MACROD1: variants seen among roughly 807,000 people sequenced by gnomAD.
MACROD1 encodes mono-ADP ribosylhydrolase 1.
MACROD1 carries 31 observed loss-of-function variants against 41.4 expected under a neutral mutation model. The ratio of observed to expected loss-of-function variants is 0.75; its 90% CI spans 0.56 to 1.01. MACROD1 has a LOEUF of 1.01. Ranked by LOEUF, MACROD1 falls within the 50% of genes least tolerant of loss-of-function variation. The pLI is 0.00. For missense variants in MACROD1, 473 were observed against 460.0 expected (o/e 1.03, Z -0.26); for synonymous variants, 252 against 203.4 (o/e 1.24, Z -2.03).
intron 10 of MACROD1, 75 bp from the exon 11 acceptor site, chr11:63,998,762 G>A: frequency 7.0e-7 from 1 of 1,432,446 alleles, no homozygotes; most frequent in Non-Finnish European, 9.1e-7. Flanking sequence ...TTCCCGCCCT[G>A]CTTGGGGGTG....
At chr11:64,084,032 C>T (rs932555925) in intron 3 of MACROD1, among the ~76,000 whole-genome samples, 3 of 152,004 alleles carry the variant, frequency 2.0e-5, no homozygotes, top group Non-Finnish European at 4.4e-5. Context: ...CCTCAGGAGG[C>T]AGAGCTGGTG....
chr11:64,089,711 G>A (rs1179950477), intron 3 of MACROD1, among the ~76,000 whole-genome samples: 1 of 152,226 alleles, frequency 6.6e-6, no homozygotes, highest in African/African-American at 2.4e-5. Flanking sequence ...TGGGGCTCTT[G>A]AGGGAGGGTG....
rs71045731 is a variant in MACROD1 at position 64,064,843 on chromosome 11, C to CTCATTCATTCATTCAT, written c.518-49578_518-49563dup. Among the ~76,000 whole-genome samples the CTCATTCATTCATTCAT allele has an allele frequency of 5.3e-5, 8 of 150,448 alleles. No individual in the cohort carries two copies. In the South Asian group the frequency reaches 6.4e-4, roughly 12 times the overall value. ...CAAGAGGCTAGAGTTTCACAAGGAC[C>CTCATTCATTCATTCAT]TCATTCATTCATTCATTCATTCATT... is the stretch of plus-strand genomic sequence containing the variant. On this transcript the variant is annotated intron_variant, in intron 3 of 10. Coordinates refer to ENST00000255681, the MANE Select transcript of MACROD1 (RefSeq NM_014067.4). The surrounding 1 kb of genome is among the most constrained non-coding windows in gnomAD (Gnocchi z 4.5).
Position 64,151,324 on chromosome 11 carries a change from A to C in MACROD1, c.432T>G (p.Tyr144Ter). 6.2e-7 allele frequency: 1 copy of C among 1,613,806 alleles called. No homozygotes were observed. The highest frequency in any genetic ancestry group is 8.5e-7 in the Non-Finnish European group (1 of 1,179,994). The change falls in exon 3 of 11, where the codon TAT (tyrosine) becomes TAG (stop). Residue 144 changes from tyrosine (Y) to a stop codon, truncating the protein, a stop_gained. Coordinates refer to ENST00000255681, the MANE Select transcript of MACROD1 (RefSeq NM_014067.4). LOFTEE classifies it high-confidence loss of function. ...GVAVKVEEPR[Y>*]KKDKQLNEKI... ...TCTCATTGAGCTGCTTGTCCTTTTT[A>C]TACCTGGGCTCCTCCACCTTCACAG...
chr11:64,151,160 C>A, intron 3 of MACROD1, 79 bp downstream of exon 3: 1 of 1,256,848 alleles, frequency 8.0e-7, no homozygotes, highest in Admixed American at 1.8e-5. Flanking sequence ...CAGGTGGCGT[C>A]CACCCAGGCC....
intron 3 of MACROD1, among the ~76,000 whole-genome samples, chr11:64,100,551 T>A (rs1944653700): frequency 6.6e-6 from 1 of 152,174 alleles, no homozygotes; most frequent in Non-Finnish European, 1.5e-5. Flanking sequence ...GGGTGGCCAC[T>A]GGGGGTGCTG....
At chr11:64,010,719 G>GCA (rs1942997826) in intron 4 of MACROD1, among the ~76,000 whole-genome samples, 1 of 150,974 alleles carries the variant, frequency 6.6e-6, no homozygotes, top group Admixed American at 6.6e-5. Context: ...ATGTTGGTTG[G>GCA]GGTGTTGGTT....
At chr11:64,066,691 T>G (rs1199238068) in intron 3 of MACROD1, among the ~76,000 whole-genome samples, 1 of 152,040 alleles carries the variant, frequency 6.6e-6, no homozygotes, top group Admixed American at 6.5e-5. Context: ...TTCTGAGATG[T>G]CTGCCTGCAA....
At chr11:64,096,000 T>TG (rs755109906) in intron 3 of MACROD1, among the ~76,000 whole-genome samples, 9 of 152,158 alleles carry the variant, frequency 5.9e-5, no homozygotes, top group Non-Finnish European at 1.3e-4. Flanking sequence ...CCCATGAGCC[T>TG]GCAGGATATG....
chr11:64,025,109 G>A (rs1590810211), intron 3 of MACROD1, among the ~76,000 whole-genome samples: 1 of 152,130 alleles, frequency 6.6e-6, no homozygotes, highest in Non-Finnish European at 1.5e-5. Flanking sequence ...CTCCTGAGTA[G>A]CTGGGACTAC....
chr11:64,099,282 G>A (rs1034777051), intron 3 of MACROD1, among the ~76,000 whole-genome samples: 4 of 152,258 alleles, frequency 2.6e-5, no homozygotes, highest in Admixed American at 6.5e-5. Context: ...CCCTGTGTGC[G>A]TCTCACATTG....
At chr11:64,058,045 T>C (rs894058641) in intron 3 of MACROD1, among the ~76,000 whole-genome samples, 2 of 152,214 alleles carry the variant, frequency 1.3e-5, no homozygotes, top group African/African-American at 4.8e-5. Flanking sequence ...TAATGCGCAA[T>C]GTAATCTGCG....
rs563166803 is a variant in MACROD1, at chr11:64,120,476, C to A, written c.517+30763G>T. ...CTGAGGCAGGCAGATTTTCTGAGGTCAGGAGTTTGAGACCAGCCTGGCCAA... is the reference window on the plus strand; with the variant it reads ...CTGAGGCAGGCAGATTTTCTGAGGTAAGGAGTTTGAGACCAGCCTGGCCAA... On this transcript the variant is annotated intron_variant, in intron 3 of 10. Transcript: ENST00000255681. The surrounding 1 kb of genome is among the most constrained non-coding windows in gnomAD (Gnocchi z 4.5). 4.6e-5 allele frequency among the ~76,000 whole-genome samples: 7 copies of A among 152,248 alleles called. No homozygotes were observed. In the East Asian group the frequency reaches 1.2e-3, roughly 25 times the overall value.
At chr11:64,041,117 G>A (rs1943475840) in intron 3 of MACROD1, among the ~76,000 whole-genome samples, 1 of 147,004 alleles carries the variant, frequency 6.8e-6, no homozygotes, top group Non-Finnish European at 1.5e-5. Context: ...GCAGCTCTGT[G>A]GCAGTATTTT....
At chr11:64,147,128 C>T (rs1359453003) in intron 3 of MACROD1, among the ~76,000 whole-genome samples, 1 of 152,184 alleles carries the variant, frequency 6.6e-6, no homozygotes, top group African/African-American at 2.4e-5. Flanking sequence ...TGCAATGGCA[C>T]AGTCACAGCT....
intron 3 of MACROD1, among the ~76,000 whole-genome samples, chr11:64,144,055 C>T (rs1945455736): frequency 1.3e-5 from 2 of 151,294 alleles, no homozygotes; most frequent in Admixed American, 6.6e-5. Flanking sequence ...CCCATTTTTC[C>T]ACCTAGCAGC....
At chr11:64,058,140 CTG>C (rs1943826045) in intron 3 of MACROD1, among the ~76,000 whole-genome samples, 1 of 152,276 alleles carries the variant, frequency 6.6e-6, no homozygotes, top group South Asian at 2.1e-4. Context: ...CCCCCAGCGA[CTG>C]TGTTTCTGGG....
chr11:64,126,505 C>T (rs1945183821), intron 3 of MACROD1, among the ~76,000 whole-genome samples: 4 of 152,162 alleles, frequency 2.6e-5, no homozygotes, highest in African/African-American at 7.2e-5. Context: ...CCTATAAACA[C>T]GGCAGAGGAA....
chr11:64,046,926 C>T (rs1943595140), intron 3 of MACROD1, among the ~76,000 whole-genome samples: 1 of 152,224 alleles, frequency 6.6e-6, no homozygotes, highest in African/African-American at 2.4e-5. Context: ...TCAAGTCACG[C>T]ACTAGCTCTG....
Sources: allele counts gnomAD v4.1 joint callset (sites outside exome capture counted in the v4.1 genomes callset), GRCh38; gene constraint gnomAD v4.1.1; non-coding constraint Gnocchi (gnomAD v3.1); transcripts MANE v1.5; gene names NCBI Gene and HGNC (gene_info 2026-07-23, HGNC 2026-07-21).